The following DNAI3 variants were observed in gnomAD, a reference collection of about 807,000 sequenced individuals.
DNAI3 encodes WD repeat domain 63.
In DNAI3, 83 loss-of-function variants were observed where a neutral mutation model predicts 115.5. The ratio of observed to expected loss-of-function variants is 0.72; its 90% CI spans 0.60 to 0.86. The LOEUF is 0.86. Among genes scored for constraint, DNAI3 ranks in the 40% least tolerant of loss-of-function variants. The pLI, the probability that DNAI3 is intolerant of heterozygous loss-of-function variation, is 0.00. For missense variants in DNAI3, 1,004 were observed against 1,075.8 expected (o/e 0.93, Z 0.93); for synonymous variants, 320 against 347.0 (o/e 0.92, Z 0.86).
intron 14 of DNAI3, among the ~76,000 whole-genome samples, chr1:85,106,595 A>T (rs140883700): frequency 1.3e-5 from 2 of 152,284 alleles, no homozygotes; most frequent in East Asian, 3.9e-4. Context: ...AGGAAGAAAA[A>T]AGTTGGAGGA....
chr1:85,103,126 C>G (rs891110049), intron 13 of DNAI3, among the ~76,000 whole-genome samples: 1 of 152,142 alleles, frequency 6.6e-6, no homozygotes, highest in Non-Finnish European at 1.5e-5. Context: ...CTGTTTTCAC[C>G]TAACTTCATT....
intron 11 of DNAI3, 28 bp from the exon 12 acceptor site, chr1:85,097,541 G>T (rs1212190248): frequency 3.2e-6 from 5 of 1,580,078 alleles, no homozygotes; most frequent in South Asian, 2.4e-5. Flanking sequence ...TTCTGAAAAG[G>T]TTATGATAAC....
In DNAI3 at chr1:85,132,935, T is replaced by C. The variant is rs1350710899; in HGVS notation, c.2613T>C (p.Thr871=). The C allele has an allele frequency of 5.0e-6, 8 of 1,613,906 alleles. No individual in the cohort carries two copies. Among genetic ancestry groups the C allele is most frequent in the African/African-American group, 1.3e-5 (1 of 74,898 alleles). The change falls in exon 23 of 23, where the codon ACT becomes ACC. Residue 871 remains threonine, a synonymous_variant. Coordinates refer to ENST00000294664, the MANE Select transcript of DNAI3 (RefSeq NM_145172.5). ...DYESYLELEK[T]VLINLGLIKV... ...AGAGTTATCTGGAACTGGAAAAGACTGTTCTTATCAACCTTGGCCTAATCA... is the reference window on the plus strand; with the variant it reads ...AGAGTTATCTGGAACTGGAAAAGACCGTTCTTATCAACCTTGGCCTAATCA...
At chr1:85,079,296 A>C (rs1654554421) in intron 3 of DNAI3, among the ~76,000 whole-genome samples, 1 of 152,240 alleles carries the variant, frequency 6.6e-6, no homozygotes, top group Admixed American at 6.5e-5. Flanking sequence ...TCCTTCACTC[A>C]TGAACAACTT....
At chr1:85,112,463 A>G (rs1481737454) in intron 16 of DNAI3, among the ~76,000 whole-genome samples, 2 of 152,190 alleles carry the variant, frequency 1.3e-5, no homozygotes, top group Non-Finnish European at 2.9e-5. Flanking sequence ...CTAGGAATAG[A>G]ATGGTTGTAT....
At chr1:85,109,898 A>C (rs148217638) in intron 15 of DNAI3, 150 bp from the exon 16 acceptor site, 5 of 675,562 alleles carry the variant, frequency 7.4e-6, no homozygotes, top group Non-Finnish European at 1.2e-5. Flanking sequence ...GAGGAAAGAA[A>C]CTAGAAATTT....
intron 10 of DNAI3, among the ~76,000 whole-genome samples, chr1:85,095,445 C>G (rs1655095388): frequency 6.6e-6 from 1 of 152,120 alleles, no homozygotes; most frequent in Admixed American, 6.5e-5. Flanking sequence ...CTAGCCCTTT[C>G]TTGTCAGCCA....
At chr1:85,116,640 G>A (rs1046576609) in intron 16 of DNAI3, among the ~76,000 whole-genome samples, 2 of 152,184 alleles carry the variant, frequency 1.3e-5, no homozygotes, top group African/African-American at 2.4e-5. Context: ...TACATTAAAT[G>A]GGTACAAAAT....
Position 85,084,687 on chromosome 1 carries a change from A to C in DNAI3, c.532A>C (p.Thr178Pro). The stretch of plus-strand genomic sequence containing the variant: ...TGAGGAAGAATCAGTTACGGAATCT[A>C]CAAAGCAGGTTAGAGGGTTATATAT... ...EIEEESVTES[T>P]KQITYMISRK... is the part of the protein sequence containing the mutation. Residue 178 changes from threonine (T) to proline (P), a missense_variant, in exon 6 of 23, where the codon ACA becomes CCA. This residue lies in a region of DNAI3 where 550 missense variants were observed against 568.1 expected (regional missense o/e 0.97). Transcript: ENST00000294664. 6.6e-7 allele frequency: 1 copy of C among 1,523,096 alleles called. No homozygotes were observed. The highest frequency in any genetic ancestry group is 8.8e-7 in the Non-Finnish European group (1 of 1,134,226). 94.3% of individuals were successfully genotyped at this position (1,523,096 alleles called of 1,614,324 possible).
At chr1:85,114,105 T>C (rs1478499716) in intron 16 of DNAI3, among the ~76,000 whole-genome samples, 1 of 148,498 alleles carries the variant, frequency 6.7e-6, no homozygotes, top group Non-Finnish European at 1.5e-5. Context: ...CTCCATCTCC[T>C]GAGTTCAGGT....
chr1:85,082,488 C>G, intron 5 of DNAI3, 84 bp downstream of exon 5: 1 of 1,076,822 alleles, frequency 9.3e-7, no homozygotes, highest in Non-Finnish European at 1.4e-6. Flanking sequence ...CTCTGTCACC[C>G]AGGCTAGAGT....
chr1:85,090,894 G>T (rs1654953503), intron 8 of DNAI3, among the ~76,000 whole-genome samples: 1 of 152,072 alleles, frequency 6.6e-6, no homozygotes, highest in African/African-American at 2.4e-5. Flanking sequence ...TCAATAGGCT[G>T]GTTTCTATTT....
At chr1:85,087,678 G>A (rs959230721) in intron 7 of DNAI3, among the ~76,000 whole-genome samples, 3 of 151,978 alleles carry the variant, frequency 2.0e-5, no homozygotes, top group African/African-American at 7.3e-5. Flanking sequence ...TTTATTAAAT[G>A]GAGGGGAAAA....
At chr1:85,104,638 A>T in intron 14 of DNAI3, 41 bp downstream of exon 14, 1 of 1,573,368 alleles carries the variant, frequency 6.4e-7, no homozygotes, top group Non-Finnish European at 8.7e-7. Context: ...GTTTTCATAC[A>T]TGGTGTTTTT....
intron 22 of DNAI3, among the ~76,000 whole-genome samples, chr1:85,130,708 GATAGATAGATAA>G (rs1023898176): frequency 8.2e-5 from 12 of 146,516 alleles, no homozygotes; most frequent in African/African-American, 3.1e-4. Context: ...TAGATAGATA[GATAGATAGATAA>G]ATAGATATGA....
At chr1:85,109,184 T>C (rs911186656) in intron 15 of DNAI3, among the ~76,000 whole-genome samples, 1 of 152,242 alleles carries the variant, frequency 6.6e-6, no homozygotes, top group Non-Finnish European at 1.5e-5. Flanking sequence ...GAGAAAAATA[T>C]GGCTATGGAC....
intron 8 of DNAI3, among the ~76,000 whole-genome samples, chr1:85,092,027 A>G (rs1402339229): frequency 6.6e-6 from 1 of 152,126 alleles, no homozygotes; most frequent in Non-Finnish European, 1.5e-5. Context: ...CTTCTACTGG[A>G]AACTGTTTAA....
chr1:85,118,185 T>G (rs758192949), intron 17 of DNAI3, among the ~76,000 whole-genome samples: 1 of 152,222 alleles, frequency 6.6e-6, no homozygotes, highest in Non-Finnish European at 1.5e-5. Context: ...GAAACTATAG[T>G]GTTTTGTTGG....
intron 16 of DNAI3, among the ~76,000 whole-genome samples, chr1:85,116,802 C>T (rs765319226): frequency 2.6e-5 from 4 of 152,124 alleles, no homozygotes; most frequent in Admixed American, 6.5e-5. Context: ...TTTTGATACT[C>T]GTTTTTGATG....
Sources: gnomAD v4.1 joint callset for allele counts (sites outside exome capture counted in the v4.1 genomes callset) on GRCh38, gnomAD v4.1.1 for gene constraint, gnomAD v4.1.1 regional missense constraint, MANE v1.5 for transcripts, NCBI Gene and HGNC (gene_info 2026-07-23, HGNC 2026-07-21) for gene names.